Variants in BTBD9 observed in about 807,000 individuals in gnomAD.
The protein encoded by BTBD9 is BTB domain containing 9.
Under a neutral mutation model 64.3 loss-of-function variants are expected in BTBD9, and 49 were observed. The observed-to-expected ratio is 0.76, with a 90% CI of 0.61 to 0.97. The LOEUF (loss-of-function observed/expected upper bound fraction) is 0.97. Ranked by LOEUF, BTBD9 falls within the 50% of genes least tolerant of loss-of-function variation. The pLI is 0.00. For synonymous variants in BTBD9, 260 were observed against 274.7 expected (o/e 0.95, Z 0.53); for missense variants, 598 against 762.1 (o/e 0.78, Z 2.53).
chr6:38,275,071 G>A (rs925088199), intron 8 of BTBD9, among the ~76,000 whole-genome samples: 8 of 152,190 alleles, frequency 5.3e-5, no homozygotes, highest in African/African-American at 1.4e-4. Context: ...CAAAGTCGGA[G>A]GCATCACGCT....
chr6:38,477,731 A>C (rs1770952869), intron 6 of BTBD9, among the ~76,000 whole-genome samples: 1 of 152,200 alleles, frequency 6.6e-6, no homozygotes, highest in Non-Finnish European at 1.5e-5. Flanking sequence ...GCGAGGATGA[A>C]AGCAATACGA....
intron 9 of BTBD9, among the ~76,000 whole-genome samples, chr6:38,195,143 T>C (rs1292497529): frequency 6.6e-6 from 1 of 152,184 alleles, no homozygotes; most frequent in Admixed American, 6.5e-5. Flanking sequence ...TTTTTCAGAA[T>C]AACTTGCCAT....
chr6:38,537,624 G>C (rs2127434887), intron 6 of BTBD9, among the ~76,000 whole-genome samples: 1 of 152,242 alleles, frequency 6.6e-6, no homozygotes, highest in African/African-American at 2.4e-5. Context: ...TTGGCTCCAA[G>C]GTATTGACAA....
chr6:38,197,847 A>G (rs866703477), intron 9 of BTBD9, among the ~76,000 whole-genome samples: 1 of 152,356 alleles, frequency 6.6e-6, no homozygotes, highest in Middle Eastern at 3.4e-3. Context: ...TACACACACT[A>G]AACTGTATGC....
intron 6 of BTBD9, among the ~76,000 whole-genome samples, chr6:38,546,427 T>TC (rs775109599): frequency 6.6e-6 from 1 of 152,216 alleles, no homozygotes; most frequent in Non-Finnish European, 1.5e-5. Flanking sequence ...CCCTAATTGA[T>TC]ATACATGGTG....
intron 10 of BTBD9, chr6:38,179,846 G>A (rs1561837729): frequency 2.2e-6 from 1 of 456,792 alleles, no homozygotes; most frequent in Non-Finnish European, 4.4e-6. Context: ...GCTACAGAGA[G>A]GAAGGTGTGC....
At chr6:38,450,701 G>A (rs1011080674) in intron 6 of BTBD9, among the ~76,000 whole-genome samples, 2 of 152,076 alleles carry the variant, frequency 1.3e-5, no homozygotes, top group Non-Finnish European at 2.9e-5. Context: ...AAGACAAACT[G>A]AATTAACCAT....
chr6:38,227,827 T>C (rs1763450698), intron 9 of BTBD9, among the ~76,000 whole-genome samples: 1 of 152,158 alleles, frequency 6.6e-6, no homozygotes, highest in Non-Finnish European at 1.5e-5. Context: ...TCTGCGGCAA[T>C]GGGCACTTCT....
intron 7 of BTBD9, among the ~76,000 whole-genome samples, chr6:38,300,399 G>A (rs1258704520): frequency 2.0e-5 from 3 of 152,136 alleles, no homozygotes; most frequent in Admixed American, 6.5e-5. Flanking sequence ...TGTGAAGAAA[G>A]TCATTGGAAG....
intron 7 of BTBD9, among the ~76,000 whole-genome samples, chr6:38,297,879 C>T (rs1471415455): frequency 1.4e-5 from 2 of 147,674 alleles, no homozygotes; most frequent in Admixed American, 6.8e-5. Flanking sequence ...CTCGCTCTGT[C>T]GCCCAGGCTG....
At chr6:38,294,241 A>G (rs1194975731) in intron 7 of BTBD9, among the ~76,000 whole-genome samples, 1 of 152,214 alleles carries the variant, frequency 6.6e-6, no homozygotes, top group Non-Finnish European at 1.5e-5. Flanking sequence ...TAGTTCAACC[A>G]TTGTGGAAGT....
chr6:38,228,549 T>C (rs979506707), intron 9 of BTBD9, among the ~76,000 whole-genome samples: 1 of 151,562 alleles, frequency 6.6e-6, no homozygotes, highest in Non-Finnish European at 1.5e-5. Flanking sequence ...TCCTCCCAAC[T>C]TTTCTGTGAA....
At chr6:38,428,990 T>G (rs1431967748) in intron 6 of BTBD9, among the ~76,000 whole-genome samples, 1 of 150,622 alleles carries the variant, frequency 6.6e-6, no homozygotes. Context: ...ATTACAGGCG[T>G]GAGCCACTGC....
chr6:38,493,145 T>TA (rs1771778623), intron 6 of BTBD9, among the ~76,000 whole-genome samples: 1 of 152,226 alleles, frequency 6.6e-6, no homozygotes, highest in South Asian at 2.1e-4. Context: ...TTACACTGGG[T>TA]AAAAACGTTC....
At chr6:38,376,660 C>G (rs1765705821) in intron 6 of BTBD9, among the ~76,000 whole-genome samples, 1 of 152,158 alleles carries the variant, frequency 6.6e-6, no homozygotes, top group Non-Finnish European at 1.5e-5. Context: ...AACCTCCTAA[C>G]ACCCTGCAAT....
intron 4 of BTBD9, among the ~76,000 whole-genome samples, chr6:38,581,405 G>T (rs183671333): frequency 6.6e-6 from 1 of 152,180 alleles, no homozygotes; most frequent in East Asian, 1.9e-4. Flanking sequence ...GTTTAAAAAA[G>T]ATATCTTTTT....
At chr6:38,401,032 A>AC (rs1043909129) in intron 6 of BTBD9, among the ~76,000 whole-genome samples, 6 of 152,008 alleles carry the variant, frequency 3.9e-5, no homozygotes, top group African/African-American at 1.4e-4. Flanking sequence ...CTGTCATAGC[A>AC]CCCTGTTCTT....
intron 1 of BTBD9, among the ~76,000 whole-genome samples, chr6:38,606,637 A>C (rs1355479118): frequency 6.6e-6 from 1 of 152,198 alleles, no homozygotes; most frequent in African/African-American, 2.4e-5. Context: ...CCAAATTAGA[A>C]TCTGGTAACA....
At chr6:38,248,984 G>A (rs978836509) in intron 9 of BTBD9, among the ~76,000 whole-genome samples, 4 of 152,096 alleles carry the variant, frequency 2.6e-5, no homozygotes, top group African/African-American at 9.7e-5. Context: ...TGAGACTACC[G>A]AGGTGAAGAG....
Sources: allele counts gnomAD v4.1 joint callset (sites outside exome capture counted in the v4.1 genomes callset), GRCh38; gene constraint gnomAD v4.1.1; transcripts MANE v1.5; gene names NCBI Gene and HGNC (gene_info 2026-07-23, HGNC 2026-07-21).